Variants in CENPI observed in about 807,000 individuals in gnomAD.
CENPI encodes centromere protein I, also known as FSH primary response 1.
CENPI carries 4 observed loss-of-function variants against 60.4 expected under a neutral mutation model. The ratio of observed to expected loss-of-function variants is 0.07; its 90% CI spans 0.03 to 0.15. The LOEUF (loss-of-function observed/expected upper bound fraction) is 0.15, where lower values mean the gene tolerates loss of function less well. Among genes scored for constraint, CENPI ranks in the 10% least tolerant of loss-of-function variants. The probability of loss-of-function intolerance (pLI) is 1.00; values close to 1 mark genes in which losing one functional copy is unlikely to be tolerated. For synonymous variants in CENPI, 157 were observed against 189.4 expected, an observed-to-expected ratio of 0.83 and a Z score of 1.40; for missense variants, 444 against 534.5, an observed-to-expected ratio of 0.83 and a Z score of 1.67.
intron 4 of CENPI, among the ~76,000 whole-genome samples, chrX:101,102,661 C>G (rs1038315690): frequency 1.9e-5 from 2 of 104,026 alleles, no homozygotes; most frequent in Non-Finnish European, 3.9e-5. Flanking sequence ...GCACCTGGCT[C>G]GAGGGGGATG....
At chrX:101,149,563 G>A (rs1283371141) in intron 20 of CENPI, among the ~76,000 whole-genome samples, 2 of 105,962 alleles carry the variant, frequency 1.9e-5, no homozygotes, top group African/African-American at 6.9e-5. Context: ...CTAGAGTGCA[G>A]TGGTGCGATC....
chrX:101,105,414 C>T (rs1429041533), intron 4 of CENPI, among the ~76,000 whole-genome samples: 2 of 111,436 alleles, frequency 1.8e-5, no homozygotes, highest in East Asian at 5.6e-4. Context: ...GTCGCAGCTA[C>T]TTGGGAGGCT....
At chrX:101,108,488 G>A (rs764147166) in intron 4 of CENPI, among the ~76,000 whole-genome samples, 85 of 110,278 alleles carry the variant, frequency 7.7e-4, no homozygotes, top group Non-Finnish European at 1.2e-3. Context: ...GTGTCACCAC[G>A]CTCGGCCCCA....
At chrX:101,101,027 T>A (rs757368380) in intron 2 of CENPI, 31 bp from the exon 3 acceptor site, 2 of 1,033,359 alleles carry the variant, frequency 1.9e-6, no homozygotes, top group South Asian at 3.9e-5. Context: ...TTTGGCTGAT[T>A]AATGATAACT....
intron 20 of CENPI, 97 bp downstream of exon 20, chrX:101,148,258 GT>G: frequency 1.4e-6 from 1 of 727,639 alleles, no homozygotes; most frequent in East Asian, 3.3e-5. Flanking sequence ...ATTGTAAGAC[GT>G]GTGTTTAGTA....
chrX:101,112,565 G>T (rs765218723), intron 6 of CENPI, among the ~76,000 whole-genome samples: 1 of 112,298 alleles, frequency 8.9e-6, no homozygotes, highest in East Asian at 2.8e-4. Flanking sequence ...TTCTGAAAAG[G>T]CTTTTAAAAT....
At chrX:101,116,552 A>G (rs930222375) in intron 6 of CENPI, among the ~76,000 whole-genome samples, 6 of 111,571 alleles carry the variant, frequency 5.4e-5, no homozygotes, top group Admixed American at 4.8e-4. Context: ...AGGGATGACT[A>G]TATCTAATTT....
chrX:101,129,244 C>CT (rs912678259), intron 12 of CENPI, among the ~76,000 whole-genome samples: 2 of 111,457 alleles, frequency 1.8e-5, no homozygotes, highest in Non-Finnish European at 3.8e-5. Flanking sequence ...TATCTGCCAA[C>CT]TAGAGTATCC....
rs1556409836 is a variant in CENPI, at chrX:101,162,491, T to TAA, written c.2137-341_2137-340dup. Among the ~76,000 whole-genome samples, 109 of 99,219 alleles carry TAA rather than the reference T, an allele frequency of 1.1e-3. 2 individuals are homozygous for TAA. Among genetic ancestry groups the TAA allele is most frequent in the African/African-American group, 3.2e-3 (84 of 26,209 alleles). The allele number at this position is 99,219 out of a possible 115,157, so 86.2% of individuals were successfully genotyped here. On this transcript the variant is annotated intron_variant, in intron 21 of 21. Transcript: ENST00000682095. ...AAAAAAAAATATATATATATATATA[T>TAA]AATTATCTCATTATCAAAAACTGCT...
chrX:101,174,047 C>G, the CENPI span, among the ~76,000 whole-genome samples: 1 of 111,991 alleles, frequency 8.9e-6, no homozygotes, highest in Non-Finnish European at 1.9e-5. Flanking sequence ...CAATGAGATA[C>G]CATGTCACAC....
intron 13 of CENPI, among the ~76,000 whole-genome samples, chrX:101,131,247 G>A (rs899737802): frequency 1.8e-5 from 2 of 111,643 alleles, no homozygotes; most frequent in South Asian, 3.7e-4. Context: ...CTGGGCTTAA[G>A]CATTCCTTCT....
intron 15 of CENPI, among the ~76,000 whole-genome samples, chrX:101,139,935 C>T (rs1422482155): frequency 9.2e-6 from 1 of 108,489 alleles, no homozygotes; most frequent in Non-Finnish European, 1.9e-5. Context: ...CCTGGGTTCA[C>T]GTCATTCTCC....
chrX:101,127,561 A>G lies in CENPI; in HGVS notation c.970A>G (p.Lys324Glu), dbSNP rs747766527. ...NSSSYTKECG[K>E]KEMSLSDCLN... ...CAGTAGCTACACTAAAGAATGTGGA[A>G]AAAAAGAGATGAGTCTTTCTGATTG... The change falls in exon 11 of 22, where the codon AAA becomes GAA. Residue 324 changes from lysine (K) to glutamate (E), a missense_variant. Transcript: ENST00000682095. 12 of 1,199,859 alleles carry G rather than the reference A, an allele frequency of 1.0e-5. No homozygotes were observed. Among genetic ancestry groups the G allele is most frequent in the Non-Finnish European group, 1.4e-5 (12 of 885,880 alleles).
intron 4 of CENPI, 81 bp downstream of exon 4, chrX:101,102,492 T>TACACAC (rs199742109): frequency 1.0e-5 from 3 of 301,340 alleles, no homozygotes; most frequent in Admixed American, 1.1e-4. Flanking sequence ...ATCTTATATA[T>TACACAC]ATATACACAC....
chrX:101,162,608 A>G (rs888273107), intron 21 of CENPI, among the ~76,000 whole-genome samples: 5 of 108,363 alleles, frequency 4.6e-5, no homozygotes, highest in African/African-American at 1.7e-4. Context: ...TCCATTGCAC[A>G]GTACTTAAAT....
intron 11 of CENPI, among the ~76,000 whole-genome samples, chrX:101,128,062 C>T (rs1267256847): frequency 1.8e-5 from 2 of 111,019 alleles, no homozygotes; most frequent in African/African-American, 6.5e-5. Context: ...GGGCTGGGCG[C>T]GGTGGCTCAC....
intron 20 of CENPI, among the ~76,000 whole-genome samples, chrX:101,160,375 CTTTTTTTT>C (rs763855508): frequency 5.8e-4 from 47 of 81,391 alleles, no homozygotes; most frequent in African/African-American, 1.9e-3. Context: ...GCTTTTAGTT[CTTTTTTTT>C]TTTTTTTTTT....
chrX:101,124,090 AGTGT>A (rs397842781), intron 8 of CENPI, among the ~76,000 whole-genome samples: 5,645 of 88,125 alleles, frequency 0.064, 247 homozygotes, highest in African/African-American at 0.13. Flanking sequence ...TATAGAATCA[AGTGT>A]GTGTGTGTGT....
intron 20 of CENPI, among the ~76,000 whole-genome samples, chrX:101,157,973 C>T (rs2090069279): frequency 9.0e-6 from 1 of 111,441 alleles, no homozygotes; most frequent in Non-Finnish European, 1.9e-5. Context: ...CTTCTCCCAG[C>T]CTCCAATGAC....
Sources: gnomAD v4.1 joint callset for allele counts (sites outside exome capture counted in the v4.1 genomes callset) on GRCh38, gnomAD v4.1.1 for gene constraint, MANE v1.5 for transcripts, NCBI Gene and HGNC (gene_info 2026-07-23, HGNC 2026-07-21) for gene names.